The following FBXO21 variants were observed in gnomAD, a reference collection of about 807,000 sequenced individuals.
The protein encoded by FBXO21 is F-box only protein 21.
FBXO21 carries 32 observed loss-of-function variants against 76.6 expected under a neutral mutation model. That is an observed-to-expected ratio of 0.42 (90% CI 0.32 to 0.56). The LOEUF (loss-of-function observed/expected upper bound fraction) is 0.56, where lower values mean the gene tolerates loss of function less well. Ranked by LOEUF, FBXO21 falls within the 20% of genes least tolerant of loss-of-function variation. The probability of loss-of-function intolerance (pLI) is 0.16; values close to 1 mark genes in which losing one functional copy is unlikely to be tolerated. For missense variants in FBXO21, 586 were observed against 797.3 expected, an observed-to-expected ratio of 0.73 and a Z score of 3.19; for synonymous variants, 328 against 311.5, an observed-to-expected ratio of 1.05 and a Z score of -0.56.
chr12:117,159,171 G>A (rs4767509), intron 9 of FBXO21, among the ~76,000 whole-genome samples: 27,502 of 152,080 alleles, frequency 0.18, 3,221 homozygotes, highest in Admixed American at 0.35. Flanking sequence ...TTCAGACTGC[G>A]ACGTGCTGGA....
chr12:117,165,379 G>A (rs1956042357), intron 9 of FBXO21, 106 bp downstream of exon 9: 1 of 1,123,490 alleles, frequency 8.9e-7, no homozygotes, highest in Non-Finnish European at 1.3e-6. Context: ...GAATAAATTT[G>A]TGTTTATTCC....
chr12:117,178,258 T>A (rs1956193522), intron 3 of FBXO21, among the ~76,000 whole-genome samples: 1 of 152,160 alleles, frequency 6.6e-6, no homozygotes, highest in Non-Finnish European at 1.5e-5. Context: ...TAAGCCATAC[T>A]TAAGACCTGT....
chr12:117,150,360 A>G (rs1955823555), intron 11 of FBXO21, among the ~76,000 whole-genome samples: 1 of 152,202 alleles, frequency 6.6e-6, no homozygotes, highest in Admixed American at 6.5e-5. Flanking sequence ...AACACTACCC[A>G]TGAGTCCTGT....
intron 3 of FBXO21, 52 bp from the exon 4 acceptor site, chr12:117,177,693 A>G (rs1956188834): frequency 1.3e-6 from 2 of 1,512,508 alleles, no homozygotes; most frequent in South Asian, 1.1e-5. Flanking sequence ...TCAGTTATCT[A>G]TTTTTCACAT....
intron 3 of FBXO21, among the ~76,000 whole-genome samples, chr12:117,182,677 C>G (rs1275390819): frequency 6.8e-6 from 1 of 147,762 alleles, no homozygotes; most frequent in Admixed American, 7.1e-5. Flanking sequence ...ATTCTCCTGT[C>G]TCAGCCTCCC....
chr12:117,176,742 G>A (rs1271330345), intron 4 of FBXO21, among the ~76,000 whole-genome samples: 2 of 151,952 alleles, frequency 1.3e-5, no homozygotes, highest in African/African-American at 4.8e-5. Flanking sequence ...TCTAGCATAG[G>A]TGACATAGCA....
chr12:117,143,245 T>C lies in FBXO21; in HGVS notation c.*2842A>G, dbSNP rs1955734145. The C allele has an allele frequency of 6.6e-6, 1 of 151,898 alleles. No individual in the cohort carries two copies. The highest frequency in any genetic ancestry group is 2.4e-5 in the African/African-American group (1 of 41,316). The allele number at this position is 151,898 out of a possible 1,614,324, so 9.4% of individuals were successfully genotyped here. A position where few individuals can be genotyped will look rare whatever the true frequency, so the allele number is the denominator to read the frequency against. ...GGGAGGGAAATTCCAGGGTTTCATA[T>C]ATCAAGATGACACACCCGCTGCACA... On this transcript the variant is annotated 3_prime_UTR_variant, in exon 12 of 12. Coordinates refer to ENST00000622495, the MANE Select transcript of FBXO21 (RefSeq NM_015002.3).
chr12:117,185,277 T>C (rs999763774), intron 3 of FBXO21, among the ~76,000 whole-genome samples: 1 of 152,120 alleles, frequency 6.6e-6, no homozygotes, highest in African/African-American at 2.4e-5. Context: ...TCTGAACTCA[T>C]CCAAGGCCTA....
At chr12:117,147,668 G>A (rs1210667900) in intron 11 of FBXO21, among the ~76,000 whole-genome samples, 1 of 150,158 alleles carries the variant, frequency 6.7e-6, no homozygotes, top group East Asian at 1.9e-4. Flanking sequence ...CACTTCCCCA[G>A]AACACCTGGA....
chr12:117,158,410 G>A (rs1955941384), intron 9 of FBXO21, among the ~76,000 whole-genome samples: 1 of 152,192 alleles, frequency 6.6e-6, no homozygotes, highest in African/African-American at 2.4e-5. Context: ...TCTGGATGAG[G>A]TGGGCTCTAA....
chr12:117,152,084 C>T (rs756835674), intron 11 of FBXO21, among the ~76,000 whole-genome samples: 15 of 151,924 alleles, frequency 9.9e-5, no homozygotes, highest in East Asian at 6.0e-4. Flanking sequence ...ATTCTTATCC[C>T]GATCTAATCA....
At chr12:117,156,052 T>G (rs1955912169) in intron 10 of FBXO21, 104 bp from the exon 11 acceptor site, 18 of 1,047,982 alleles carry the variant, frequency 1.7e-5, no homozygotes, top group Non-Finnish European at 2.6e-5. Context: ...CCTGCTTTAC[T>G]CCACGGTGAA....
chr12:117,157,832 C>T, intron 10 of FBXO21, 41 bp downstream of exon 10: 1 of 1,527,120 alleles, frequency 6.5e-7, no homozygotes, highest in East Asian at 2.3e-5. Flanking sequence ...TGCAGCCCCT[C>T]TGGAACGGAC....
Position 117,172,464 on chromosome 12 carries a change from T to C in FBXO21, c.1013+7A>G. On this transcript the variant is annotated splice_region_variant and intron_variant, in intron 7 of 11. Transcript: ENST00000622495. ...AGGACCACAGATAATGTGTCACGGA[T>C]GCTCACCCTTCTGCGCCTTGGCACC... The C allele has an allele frequency of 6.2e-7, 1 of 1,611,232 alleles. No homozygotes were observed. Among genetic ancestry groups the C allele is most frequent in the Non-Finnish European group, 8.5e-7 (1 of 1,178,102 alleles).
intron 2 of FBXO21, among the ~76,000 whole-genome samples, chr12:117,187,542 A>G (rs79966842): frequency 0.034 from 5,232 of 152,180 alleles, 292 homozygotes; most frequent in African/African-American, 0.12. Context: ...CTGAGAACAC[A>G]GGAACGCCAA....
At chr12:117,165,720 A>G (rs1956046642) in intron 8 of FBXO21, 103 bp from the exon 9 acceptor site, 1 of 1,170,228 alleles carries the variant, frequency 8.5e-7, no homozygotes, top group Non-Finnish European at 1.2e-6. Flanking sequence ...CAAATCCCAA[A>G]CGTTTTCTGA....
chr12:117,173,770 T>C (rs1437447331), intron 6 of FBXO21, among the ~76,000 whole-genome samples: 1 of 151,898 alleles, frequency 6.6e-6, no homozygotes. Flanking sequence ...GAAGGAAAAA[T>C]AAGTTTCATC....
Position 117,160,930 on chromosome 12 carries a change from G to A in FBXO21, c.1327-2867C>T, listed in dbSNP as rs562926670. The stretch of plus-strand genomic sequence containing the variant: ...ATTACAGGCATGAGCCACTGCACCT[G>A]GCAGTTATTTCTTAATTATTCATTT... On this transcript the variant is annotated intron_variant, in intron 9 of 11. Transcript: ENST00000622495. Among the ~76,000 whole-genome samples the A allele has an allele frequency of 1.2e-4, 18 of 152,304 alleles. No individual in the cohort carries two copies. In the South Asian group the frequency reaches 3.7e-3, roughly 32 times the overall value.
chr12:117,156,388 C>T (rs1337303500), intron 10 of FBXO21, among the ~76,000 whole-genome samples: 1 of 152,140 alleles, frequency 6.6e-6, no homozygotes, highest in Non-Finnish European at 1.5e-5. Flanking sequence ...AACCAAGAGA[C>T]TAACAAATCC....
Sources: allele counts gnomAD v4.1 joint callset (sites outside exome capture counted in the v4.1 genomes callset), GRCh38; gene constraint gnomAD v4.1.1; transcripts MANE v1.5; gene names NCBI Gene and HGNC (gene_info 2026-07-23, HGNC 2026-07-21).